The following SNX29 variants were observed in gnomAD, a reference collection of about 807,000 sequenced individuals.
The protein encoded by SNX29 is sorting nexin 29.
In SNX29, 78 loss-of-function variants were observed where a neutral mutation model predicts 102.1. That is an observed-to-expected ratio of 0.76 (90% CI 0.64 to 0.92). The LOEUF is 0.92. Ranked by LOEUF, SNX29 falls within the 40% of genes least tolerant of loss-of-function variation. The probability of loss-of-function intolerance (pLI) is 0.00; values close to 1 mark genes in which losing one functional copy is unlikely to be tolerated. For missense variants in SNX29, 1,280 were observed against 1,061.7 expected (o/e 1.21, Z -2.86); for synonymous variants, 580 against 414.5 (o/e 1.40, Z -4.85).
At chr16:12,450,922 G>A (rs1270741041) in intron 18 of SNX29, among the ~76,000 whole-genome samples, 3 of 152,134 alleles carry the variant, frequency 2.0e-5, no homozygotes, top group Non-Finnish European at 4.4e-5. Flanking sequence ...ACTTGATACA[G>A]CATCCCCCTG....
chr16:12,528,385 A>C (rs2076843532), intron 20 of SNX29, among the ~76,000 whole-genome samples: 1 of 152,138 alleles, frequency 6.6e-6, no homozygotes, highest in Middle Eastern at 3.4e-3. Flanking sequence ...TTTATAGTAG[A>C]GATGGGGTTT....
chr16:12,197,052 C>T (rs998157082), intron 13 of SNX29, among the ~76,000 whole-genome samples: 9 of 152,180 alleles, frequency 5.9e-5, no homozygotes, highest in Admixed American at 3.9e-4. Context: ...AGGATCGGCC[C>T]GACGGCTGGC....
At chr16:12,246,840 C>T (rs2078273526) in intron 14 of SNX29, among the ~76,000 whole-genome samples, 1 of 152,128 alleles carries the variant, frequency 6.6e-6, no homozygotes, top group African/African-American at 2.4e-5. Context: ...ATGGATCTGG[C>T]ATGGCTTTTT....
At chr16:12,551,507 G>C (rs2077975480) in intron 20 of SNX29, among the ~76,000 whole-genome samples, 1 of 152,218 alleles carries the variant, frequency 6.6e-6, no homozygotes, top group South Asian at 2.1e-4. Context: ...TTGGGCCTCA[G>C]CATCAGGATC....
chr16:12,465,326 T>G (rs1323109072), intron 18 of SNX29, among the ~76,000 whole-genome samples: 4 of 152,246 alleles, frequency 2.6e-5, no homozygotes, highest in Admixed American at 6.5e-5. Context: ...TCCCTATGTC[T>G]TCTTCTAGGA....
intron 8 of SNX29, chr16:12,060,757 G>T (rs535145771): frequency 2.2e-6 from 1 of 456,150 alleles, no homozygotes; most frequent in African/African-American, 2.0e-5. Context: ...GGCAAGTGCT[G>T]CAGGGGCAAT....
At chr16:12,078,809 T>A (rs2051715305) in intron 10 of SNX29, 24 bp from the exon 11 acceptor site, 1 of 1,581,758 alleles carries the variant, frequency 6.3e-7, no homozygotes, top group Admixed American at 1.8e-5. Flanking sequence ...CGAGTGTAAC[T>A]TCCTCCTGCC....
chr16:12,327,013 G>T (rs1043601968), intron 15 of SNX29, among the ~76,000 whole-genome samples: 5 of 152,178 alleles, frequency 3.3e-5, no homozygotes, highest in Admixed American at 2.6e-4. Context: ...TGACCGATGG[G>T]GCTGATGGGC....
At chr16:11,988,195 G>A (rs11859104) in intron 1 of SNX29, among the ~76,000 whole-genome samples, 50,986 of 151,188 alleles carry the variant, frequency 0.34, 9,081 homozygotes, top group East Asian at 0.64. Context: ...TCAGGAGGCT[G>A]AGGCAGGAGA....
At chr16:12,491,191 T>A (rs899624575) in intron 19 of SNX29, among the ~76,000 whole-genome samples, 1 of 152,274 alleles carries the variant, frequency 6.6e-6, no homozygotes, top group African/African-American at 2.4e-5. Flanking sequence ...TTAGGTCGTT[T>A]GCAATTTTTC....
Position 12,043,019 on chromosome 16 carries a change from A to G in SNX29, c.370A>G (p.Asn124Asp). The change falls in exon 5 of 21, where the codon AAC (asparagine) becomes GAC (aspartate). Residue 124 changes from asparagine to aspartate, a missense_variant. By Grantham distance (23) the Asn-to-Asp change is conservative. Transcript: ENST00000566228. The stretch of plus-strand genomic sequence containing the variant: ...TCGCGCCTGGCTGCGCTGTGCCCTC[A>G]ACGAACACTCCCTGGAGCGCTACCT... ...RGRAWLRCALNEHSLERYLHM... is the reference protein window; with the variant it reads ...RGRAWLRCALDEHSLERYLHM... 3 of 1,613,560 alleles carry G rather than the reference A, an allele frequency of 1.9e-6. No individual in the cohort carries two copies. The highest frequency in any genetic ancestry group is 2.5e-6 in the Non-Finnish European group (3 of 1,179,860).
At chr16:12,554,697 C>A (rs1459480139) in intron 20 of SNX29, among the ~76,000 whole-genome samples, 2 of 152,188 alleles carry the variant, frequency 1.3e-5, no homozygotes, top group Admixed American at 1.3e-4. Context: ...GCATCCCTGC[C>A]CATGCCTGGT....
intron 19 of SNX29, among the ~76,000 whole-genome samples, chr16:12,496,397 C>T (rs1013749209): frequency 6.6e-6 from 1 of 152,030 alleles, no homozygotes; most frequent in Admixed American, 6.6e-5. Flanking sequence ...TCTCACGCTT[C>T]CTCGTTGCAA....
At position 12,570,232 on chromosome 16, in the gene SNX29, C is replaced by T. The variant is rs542123830; in HGVS notation, c.*1603C>T. The T allele has an allele frequency of 6.4e-4, 679 of 1,065,308 alleles. No individual in the cohort carries two copies. Among genetic ancestry groups the T allele is most frequent in the Middle Eastern group, 3.3e-3 (8 of 2,406 alleles). 66.0% of individuals were successfully genotyped at this position (1,065,308 alleles called of 1,614,324 possible). A position where few individuals can be genotyped will look rare whatever the true frequency, so the allele number is the denominator to read the frequency against. On this transcript the variant is annotated 3_prime_UTR_variant, in exon 21 of 21. Transcript: ENST00000566228. ...ACCTGGGGCCAGATAAGCCCTGCCC[C>T]GGTGAGACCAAATGAGCTGGAGCAT...
At chr16:12,481,388 A>G (rs903303240) in intron 19 of SNX29, among the ~76,000 whole-genome samples, 13 of 147,900 alleles carry the variant, frequency 8.8e-5, no homozygotes, top group African/African-American at 3.4e-4. Context: ...ATACATATAT[A>G]TATATATACA....
rs1266508866 is a variant in SNX29, at chr16:11,990,773, G to A, written c.8-8524G>A. ...GAAGATGGGAGCATGATTATGATGC[G>A]GGCCTGGTCTACAGCCTGCTGGGGA... On this transcript the variant is annotated intron_variant, in intron 1 of 20. Transcript: ENST00000566228. 5.3e-5 allele frequency among the ~76,000 whole-genome samples: 8 copies of A among 152,166 alleles called. No individual in the cohort carries two copies. In the South Asian group the frequency reaches 1.0e-3, roughly 20 times the overall value.
chr16:12,442,630 A>G (rs1390847008), intron 18 of SNX29, among the ~76,000 whole-genome samples: 1 of 151,342 alleles, frequency 6.6e-6, no homozygotes, highest in Non-Finnish European at 1.5e-5. Flanking sequence ...TGTCACCCAG[A>G]CCCAGGCTGG....
At chr16:12,503,087 G>A (rs556713288) in intron 19 of SNX29, among the ~76,000 whole-genome samples, 1 of 152,076 alleles carries the variant, frequency 6.6e-6, no homozygotes, top group East Asian at 1.9e-4. Flanking sequence ...ACAGCCACAG[G>A]GAGGACCCTC....
chr16:12,324,566 C>A (rs1327004450), intron 15 of SNX29, among the ~76,000 whole-genome samples: 1 of 152,096 alleles, frequency 6.6e-6, no homozygotes, highest in East Asian at 1.9e-4. Flanking sequence ...AGCCACTGTG[C>A]CTGTCAATGT....
Sources: gnomAD v4.1 joint callset for allele counts (sites outside exome capture counted in the v4.1 genomes callset) on GRCh38, gnomAD v4.1.1 for gene constraint, MANE v1.5 for transcripts, NCBI Gene and HGNC (gene_info 2026-07-23, HGNC 2026-07-21) for gene names.